Variants in NEGR1 observed in about 807,000 individuals in gnomAD.
NEGR1 encodes IgLON family member 4.
In NEGR1, 10 loss-of-function variants were observed where a neutral mutation model predicts 40.9. The observed-to-expected ratio is 0.24, with a 90% CI of 0.15 to 0.42. NEGR1 has a LOEUF of 0.42. Among genes scored for constraint, NEGR1 ranks in the 10% least tolerant of loss-of-function variants. NEGR1 has a pLI of 1.00. For missense variants in NEGR1, 352 were observed against 438.9 expected, an observed-to-expected ratio of 0.80 and a Z score of 1.77; for synonymous variants, 185 against 166.8, an observed-to-expected ratio of 1.11 and a Z score of -0.84.
chr1:71,580,975 C>G (rs1340126001), intron 6 of NEGR1, among the ~76,000 whole-genome samples: 1 of 152,074 alleles, frequency 6.6e-6, no homozygotes, highest in Non-Finnish European at 1.5e-5. Flanking sequence ...TAAATACAGC[C>G]ATTATTAAAA....
intron 6 of NEGR1, among the ~76,000 whole-genome samples, chr1:71,577,977 A>G (rs1649016230): frequency 6.6e-6 from 1 of 152,082 alleles, no homozygotes; most frequent in South Asian, 2.1e-4. Flanking sequence ...CTGTATCAAG[A>G]TATAGCAGTG....
At chr1:72,082,671 A>G (rs1648051572) in intron 1 of NEGR1, among the ~76,000 whole-genome samples, 1 of 151,896 alleles carries the variant, frequency 6.6e-6, no homozygotes, top group Non-Finnish European at 1.5e-5. Flanking sequence ...ATGCTTTCAA[A>G]ACAACAAAAC....
chr1:71,586,685 A>G (rs1649319995), intron 6 of NEGR1, among the ~76,000 whole-genome samples: 1 of 152,090 alleles, frequency 6.6e-6, no homozygotes, highest in African/African-American at 2.4e-5. Context: ...CCACTAAATG[A>G]CCATTTGGTG....
chr1:71,831,544 G>T (rs1196116464), intron 2 of NEGR1, among the ~76,000 whole-genome samples: 1 of 151,896 alleles, frequency 6.6e-6, no homozygotes, highest in Non-Finnish European at 1.5e-5. Context: ...GGGCACATGG[G>T]GTTATAAGAT....
intron 6 of NEGR1, among the ~76,000 whole-genome samples, chr1:71,546,927 T>C (rs1647917577): frequency 6.6e-6 from 1 of 151,704 alleles, no homozygotes; most frequent in Non-Finnish European, 1.5e-5. Flanking sequence ...CCTCTATATA[T>C]CTTTTCTAGC....
intron 1 of NEGR1, among the ~76,000 whole-genome samples, chr1:72,270,982 T>C (rs1655823699): frequency 6.6e-6 from 1 of 151,890 alleles, no homozygotes; most frequent in Non-Finnish European, 1.5e-5. Flanking sequence ...ATATGTTATG[T>C]ACTGTTAGCA....
intron 1 of NEGR1, among the ~76,000 whole-genome samples, chr1:72,102,937 T>C (rs1648999272): frequency 6.6e-6 from 1 of 152,082 alleles, no homozygotes; most frequent in Admixed American, 6.6e-5. Context: ...GAATGGCAAT[T>C]GCTTTTGATC....
At chr1:71,969,846 C>T (rs925086806) in intron 1 of NEGR1, among the ~76,000 whole-genome samples, 7 of 152,160 alleles carry the variant, frequency 4.6e-5, no homozygotes, top group Non-Finnish European at 5.9e-5. Flanking sequence ...AATTATTAGG[C>T]AGTTTTCTGC....
intron 1 of NEGR1, among the ~76,000 whole-genome samples, chr1:72,143,106 A>T (rs1413013907): frequency 6.6e-6 from 1 of 152,104 alleles, no homozygotes; most frequent in South Asian, 2.1e-4. Flanking sequence ...CTTTTAAAAT[A>T]AATTATTTCT....
chr1:71,511,994 A>T (rs1050712281), intron 6 of NEGR1, among the ~76,000 whole-genome samples: 2 of 152,214 alleles, frequency 1.3e-5, no homozygotes, highest in African/African-American at 4.8e-5. Context: ...TTTGTTAGAA[A>T]CGTGTAAACA....
At chr1:72,245,283 T>C (rs1028891826) in intron 1 of NEGR1, among the ~76,000 whole-genome samples, 5 of 152,108 alleles carry the variant, frequency 3.3e-5, no homozygotes, top group African/African-American at 9.6e-5. Flanking sequence ...GGTTGAGACA[T>C]TATTAGACTA....
At chr1:72,148,105 ACT>A (rs144165355) in intron 1 of NEGR1, among the ~76,000 whole-genome samples, 1,753 of 151,876 alleles carry the variant, frequency 0.012, 26 homozygotes, top group African/African-American at 0.04. Flanking sequence ...CACAGTAGAG[ACT>A]CTGTGTAGGG....
intron 1 of NEGR1, among the ~76,000 whole-genome samples, chr1:71,964,155 CA>C (rs754689285): frequency 1.3e-4 from 20 of 152,128 alleles, no homozygotes; most frequent in Non-Finnish European, 2.9e-4. Flanking sequence ...CTACTTGTGG[CA>C]GACTGTATTT....
chr1:71,597,430 A>G (rs1351688596), intron 5 of NEGR1, among the ~76,000 whole-genome samples: 3 of 58,880 alleles, frequency 5.1e-5, no homozygotes, highest in African/African-American at 1.7e-4. Context: ...ATATATATAT[A>G]TGTCTCTCTC....
At chr1:71,878,210 G>A (rs1660486269) in intron 2 of NEGR1, among the ~76,000 whole-genome samples, 2 of 151,910 alleles carry the variant, frequency 1.3e-5, no homozygotes. Flanking sequence ...TTTTTTGCAA[G>A]TTTTATTACA....
chr1:72,221,636 T>C (rs1654013585), intron 1 of NEGR1, among the ~76,000 whole-genome samples: 2 of 152,116 alleles, frequency 1.3e-5, no homozygotes, highest in African/African-American at 2.4e-5. Context: ...AAACATGACA[T>C]ACAATACCAC....
intron 1 of NEGR1, among the ~76,000 whole-genome samples, chr1:71,944,865 C>G (rs1007200536): frequency 1.3e-5 from 2 of 152,096 alleles, no homozygotes; most frequent in African/African-American, 2.4e-5. Context: ...CAATCAGTTA[C>G]TATAGTAGCC....
At chr1:71,430,260 G>C (rs1200448252) in intron 6 of NEGR1, among the ~76,000 whole-genome samples, 5 of 152,082 alleles carry the variant, frequency 3.3e-5, no homozygotes, top group Admixed American at 3.3e-4. Context: ...TTGGCTCTAT[G>C]GTCTCATTTA....
intron 1 of NEGR1, among the ~76,000 whole-genome samples, chr1:72,171,422 C>G (rs1307960256): frequency 6.6e-6 from 1 of 152,078 alleles, no homozygotes; most frequent in Admixed American, 6.6e-5. Context: ...ATCAAAGAAA[C>G]ATGGAGAAAA....
Sources: gnomAD v4.1 joint callset for allele counts (sites outside exome capture counted in the v4.1 genomes callset) on GRCh38, gnomAD v4.1.1 for gene constraint, MANE v1.5 for transcripts, NCBI Gene and HGNC (gene_info 2026-07-23, HGNC 2026-07-21) for gene names.